Variants in PCDHGA12 observed in about 807,000 individuals in gnomAD.
PCDHGA12 encodes the protein protocadherin gamma subfamily A, 12.
PCDHGA12 carries 43 observed loss-of-function variants against 61.1 expected under a neutral mutation model. That is an observed-to-expected ratio of 0.70 (90% CI 0.55 to 0.91). The LOEUF is 0.91. Ranked by LOEUF, PCDHGA12 falls within the 40% of genes least tolerant of loss-of-function variation. PCDHGA12 has a pLI of 0.00. For missense variants in PCDHGA12, 1,236 were observed against 1,227.7 expected, an observed-to-expected ratio of 1.01 and a Z score of -0.10; for synonymous variants, 520 against 542.9, an observed-to-expected ratio of 0.96 and a Z score of 0.59.
intron 2 of PCDHGA12, among the ~76,000 whole-genome samples, chr5:141,502,783 G>A (rs2099816035): frequency 6.6e-6 from 1 of 151,652 alleles, no homozygotes; most frequent in African/African-American, 2.4e-5. Context: ...AAAATTACCT[G>A]GATGATTTCT....
In PCDHGA12 at chr5:141,431,616, A is replaced by G. The variant is rs776151297; in HGVS notation, c.857A>G (p.Asp286Gly). 1 of 1,614,250 alleles carries G rather than the reference A, an allele frequency of 6.2e-7. No individual in the cohort carries two copies. Among genetic ancestry groups the G allele is most frequent in the Non-Finnish European group, 8.5e-7 (1 of 1,180,042 alleles). ...EVRYSFRYVD[D>G]KAAQVFKLDC... ...AGGTATTCCTTCCGGTATGTGGACG[A>G]CAAGGCGGCCCAAGTTTTCAAACTA... The change falls in exon 1 of 4, where the codon GAC (aspartate) becomes GGC (glycine). Residue 286 changes from aspartate to glycine, a missense_variant. By Grantham distance (94) the Asp-to-Gly change is moderately conservative. Transcript: ENST00000252085. This position sits in a 1 kb window ranked among gnomAD's most constrained non-coding sequence, Gnocchi z 4.8.
At chr5:141,482,606 T>G (rs2099569173) in intron 1 of PCDHGA12, among the ~76,000 whole-genome samples, 1 of 146,712 alleles carries the variant, frequency 6.8e-6, no homozygotes, top group African/African-American at 2.6e-5. Context: ...AAAAAACACC[T>G]AAATGAGCCT....
At chr5:141,475,895 C>A (rs2099379056) in intron 1 of PCDHGA12, 1 of 568,558 alleles carries the variant, frequency 1.8e-6, no homozygotes, top group African/African-American at 1.9e-5. Context: ...ACTCTGTGTG[C>A]CGCTGTCGGC....
Position 141,485,943 on chromosome 5 carries a change from C to T in PCDHGA12, c.2425-8864C>T, listed in dbSNP as rs750871245. On this transcript the variant is annotated intron_variant, in intron 1 of 3. Transcript: ENST00000252085. This position sits in a 1 kb window ranked among gnomAD's most constrained non-coding sequence, Gnocchi z 5.7. Reference sequence around the variant, plus strand: ...ATTAGTGTGTTGGAGAGCGCACCAGCGGGCATGGTGCTCATCCAGCTCAAT... The same window carrying T: ...ATTAGTGTGTTGGAGAGCGCACCAGTGGGCATGGTGCTCATCCAGCTCAAT... The T allele has an allele frequency of 1.9e-6, 3 of 1,614,126 alleles. No homozygotes were observed. In the South Asian group the frequency reaches 3.3e-5, roughly 18 times the overall value.
In PCDHGA12 at chr5:141,430,707, CT is replaced by C; in HGVS notation, c.-52del. On this transcript the variant is annotated 5_prime_UTR_variant, in exon 1 of 4. An upstream open reading frame in the 5' UTR loses its in-frame stop. Transcript: ENST00000252085. ...CATTCTATGGGCGAAGGAACTGCTC[CT>C]GACTTCAGTGGTTAAGGGCAGAATT... The C allele has an allele frequency of 6.8e-7, 1 of 1,478,562 alleles. No homozygotes were observed. The highest frequency in any genetic ancestry group is 9.0e-7 in the Non-Finnish European group (1 of 1,114,860). 91.6% of individuals were successfully genotyped at this position (1,478,562 alleles called of 1,614,324 possible). A position where few individuals can be genotyped will look rare whatever the true frequency, so the allele number is the denominator to read the frequency against.
intron 1 of PCDHGA12, chr5:141,479,209 A>T (rs1314929824): frequency 6.6e-6 from 1 of 152,432 alleles, no homozygotes; most frequent in African/African-American, 2.4e-5. Context: ...AAAAGTATTT[A>T]AAAAATTAAA....
At chr5:141,473,939 C>T (rs1301939679) in intron 1 of PCDHGA12, among the ~76,000 whole-genome samples, 2 of 152,068 alleles carry the variant, frequency 1.3e-5, no homozygotes, top group African/African-American at 2.4e-5. Context: ...TGCAGTAGCT[C>T]AGGCCTGTAG....
chr5:141,489,837 G>A lies in PCDHGA12; in HGVS notation c.2425-4970G>A. 6.2e-7 allele frequency: 1 copy of A among 1,614,204 alleles called. No individual in the cohort carries two copies. ...TCCCAGAGCTGGTGCTAGAGCAGCAGCTGGATCGTGAAGCCCAGGCAAGAC... is the reference window on the plus strand; with the variant it reads ...TCCCAGAGCTGGTGCTAGAGCAGCAACTGGATCGTGAAGCCCAGGCAAGAC... On this transcript the variant is annotated intron_variant, in intron 1 of 3. Transcript: ENST00000252085. This position sits in a 1 kb window ranked among gnomAD's most constrained non-coding sequence, Gnocchi z 4.5.
At chr5:141,452,792 A>AT (rs745523252) in intron 1 of PCDHGA12, among the ~76,000 whole-genome samples, 15 of 152,178 alleles carry the variant, frequency 9.9e-5, no homozygotes, top group Admixed American at 2.0e-4. Context: ...ACATACCATC[A>AT]TTTTTGCTGT....
At chr5:141,510,695 C>T (rs1023505006) in intron 3 of PCDHGA12, among the ~76,000 whole-genome samples, 1 of 152,166 alleles carries the variant, frequency 6.6e-6, no homozygotes, top group Non-Finnish European at 1.5e-5. Context: ...GTTAGGTAGA[C>T]TTGCCCAGGA....
At chr5:141,498,457 G>A (rs1028236637) in intron 2 of PCDHGA12, among the ~76,000 whole-genome samples, 8 of 152,126 alleles carry the variant, frequency 5.3e-5, no homozygotes, top group African/African-American at 1.9e-4. Flanking sequence ...CTTTTATCCA[G>A]TCTAACCCTG....
chr5:141,478,489 C>T (rs779457709), intron 1 of PCDHGA12: 99 of 1,613,162 alleles, frequency 6.1e-5, no homozygotes, highest in Non-Finnish European at 8.1e-5. Context: ...CGCTGCGGAG[C>T]TGTGATCCGG....
At chr5:141,463,412 A>G (rs1397215687) in intron 1 of PCDHGA12, among the ~76,000 whole-genome samples, 9 of 127,856 alleles carry the variant, frequency 7.0e-5, no homozygotes, top group Non-Finnish European at 1.5e-4. Flanking sequence ...TGGAGATCCT[A>G]GTTTGCGGAT....
Position 141,476,974 on chromosome 5 carries a change from C to G in PCDHGA12, c.2425-17833C>G. 1 of 1,614,268 alleles carries G rather than the reference C, an allele frequency of 6.2e-7. No homozygotes were observed. The highest frequency in any genetic ancestry group is 1.3e-5 in the African/African-American group (1 of 75,080). On this transcript the variant is annotated intron_variant, in intron 1 of 3. Coordinates refer to ENST00000252085, the MANE Select transcript of PCDHGA12 (RefSeq NM_003735.3). This position sits in a 1 kb window ranked among gnomAD's most constrained non-coding sequence, Gnocchi z 7.6. ...AAATTATTTACTCCTTCGGCAGCCA[C>G]AACCGCGCCGGCGTGCGGCAACTAT...
At position 141,432,612 on chromosome 5, in the gene PCDHGA12, C is replaced by A. The variant is rs752901891; in HGVS notation, c.1853C>A (p.Ser618Ter). Residue 618 changes from serine to a stop codon, truncating the protein, a stop_gained, in exon 1 of 4, where the codon TCG (serine) becomes TAG (stop). Transcript: ENST00000252085. LOFTEE classifies it high-confidence loss of function. This position sits in a 1 kb window ranked among gnomAD's most constrained non-coding sequence, Gnocchi z 6.0. The part of the protein sequence containing the change: ...LLKASEPGLF[S>*]VGLHTGEVRT... ...AAGGCCAGCGAGCCGGGACTCTTCT[C>A]GGTGGGTCTGCACACGGGCGAGGTG... 1 of 1,613,912 alleles carries A rather than the reference C, an allele frequency of 6.2e-7. No individual in the cohort carries two copies. The highest frequency in any genetic ancestry group is 1.1e-5 in the South Asian group (1 of 91,062).
rs1406362621 is a variant in PCDHGA12, at chr5:141,477,099, G to A, written c.2425-17708G>A. On this transcript the variant is annotated intron_variant, in intron 1 of 3. Transcript: ENST00000252085. This position sits in a 1 kb window ranked among gnomAD's most constrained non-coding sequence, Gnocchi z 4.9. ...ATTTACATCCAGGCCAAAGACAAGG[G>A]CGCCAATCCCGAAGGAGCACATTGC... The A allele has an allele frequency of 6.2e-7, 1 of 1,614,256 alleles. No individual in the cohort carries two copies. Among genetic ancestry groups the A allele is most frequent in the Non-Finnish European group, 8.5e-7 (1 of 1,180,054 alleles).
chr5:141,433,070 C>T lies in PCDHGA12; in HGVS notation c.2311C>T (p.Pro771Ser). 6.2e-7 allele frequency: 1 copy of T among 1,614,174 alleles called. No homozygotes were observed. Among genetic ancestry groups the T allele is most frequent in the Non-Finnish European group, 8.5e-7 (1 of 1,180,032 alleles). The change falls in exon 1 of 4, where the codon CCC (proline) becomes TCC (serine). Residue 771 changes from proline (P) to serine (S), a missense_variant. Transcript: ENST00000252085. Reference sequence around the variant, plus strand: ...CTCGCGGAAGAGTCACCTGATCTTCCCCCAGCCCAACTATGCAGACATGCT... The same window carrying T: ...CTCGCGGAAGAGTCACCTGATCTTCTCCCAGCCCAACTATGCAGACATGCT... ...TDSRKSHLIF[P>S]QPNYADMLVS...
At chr5:141,464,995 G>A (rs1330469198) in intron 1 of PCDHGA12, among the ~76,000 whole-genome samples, 1 of 151,962 alleles carries the variant, frequency 6.6e-6, no homozygotes, top group East Asian at 1.9e-4. Context: ...TCCCACCTCA[G>A]CCTCCCAAAG....
chr5:141,477,221 A>G lies in PCDHGA12; in HGVS notation c.2425-17586A>G, dbSNP rs771608717. 1 of 1,614,178 alleles carries G rather than the reference A, an allele frequency of 6.2e-7. No homozygotes were observed. The highest frequency in any genetic ancestry group is 8.5e-7 in the Non-Finnish European group (1 of 1,180,044). ...AGTACCCGAGGATGCCCCTCTGGGG[A>G]CTGTCATCGCTTTGCTCAGTGTGAC... On this transcript the variant is annotated intron_variant, in intron 1 of 3. Coordinates refer to ENST00000252085, the MANE Select transcript of PCDHGA12 (RefSeq NM_003735.3). This position sits in a 1 kb window ranked among gnomAD's most constrained non-coding sequence, Gnocchi z 4.9.
Sources: allele counts gnomAD v4.1 joint callset (sites outside exome capture counted in the v4.1 genomes callset), GRCh38; gene constraint gnomAD v4.1.1; non-coding constraint Gnocchi (gnomAD v3.1); transcripts MANE v1.5; gene names NCBI Gene and HGNC (gene_info 2026-07-23, HGNC 2026-07-21).